RIMKLB: variants seen among roughly 807,000 people sequenced by gnomAD.
RIMKLB encodes the protein ribosomal modification protein rimK like family member B.
In RIMKLB, 7 loss-of-function variants were observed where a neutral mutation model predicts 32.0. The ratio of observed to expected loss-of-function variants is 0.22; its 90% CI spans 0.12 to 0.41. The LOEUF is 0.41. RIMKLB is among the 10% of genes least tolerant of loss of function. RIMKLB has a pLI of 1.00. For missense variants in RIMKLB, 289 were observed against 498.7 expected, an observed-to-expected ratio of 0.58 and a Z score of 4.00; for synonymous variants, 172 against 185.1, an observed-to-expected ratio of 0.93 and a Z score of 0.57.
chr12:8,713,133 G>A (rs1944520284), intron 1 of RIMKLB, among the ~76,000 whole-genome samples: 1 of 152,134 alleles, frequency 6.6e-6, no homozygotes. Flanking sequence ...TTGAGTAAGA[G>A]CGTGCTGTCC....
At chr12:8,755,802 G>C (rs890828054) in intron 5 of RIMKLB, among the ~76,000 whole-genome samples, 1 of 152,076 alleles carries the variant, frequency 6.6e-6, no homozygotes, top group Non-Finnish European at 1.5e-5. Context: ...CTGACCTCAA[G>C]GTTCAAAACC....
intron 5 of RIMKLB, among the ~76,000 whole-genome samples, chr12:8,756,153 CAAAAA>C (rs1233371130): frequency 8.8e-6 from 1 of 114,178 alleles, no homozygotes. Context: ...GACTCTGCCT[CAAAAA>C]AAAAAAAAAA....
intron 1 of RIMKLB, among the ~76,000 whole-genome samples, chr12:8,686,464 T>C (rs1169560117): frequency 6.6e-6 from 1 of 151,582 alleles, no homozygotes; most frequent in South Asian, 2.1e-4. Flanking sequence ...TCTTTTCTTT[T>C]TTTTTTTTTT....
At chr12:8,711,944 C>A (rs923292419) in intron 1 of RIMKLB, among the ~76,000 whole-genome samples, 1 of 152,158 alleles carries the variant, frequency 6.6e-6, no homozygotes, top group African/African-American at 2.4e-5. Context: ...AAAGTCGTTC[C>A]ATCAGGTTGA....
rs138400789 is a variant in RIMKLB at position 8,763,687 on chromosome 12, C to T, written c.697+9594C>T. 2.0e-3 allele frequency among the ~76,000 whole-genome samples: 309 copies of T among 152,338 alleles called. 2 individuals carry two copies. Among genetic ancestry groups the T allele is most frequent in the African/African-American group, 7.2e-3 (298 of 41,582 alleles). On this transcript the variant is annotated intron_variant, in intron 5 of 5. Transcript: ENST00000535829. The stretch of plus-strand genomic sequence containing the variant: ...CACAAGTGGCGAGGAAGTTTAAAAG[C>T]GCTTGGGTGGCTTGATGACACAAGG...
chr12:8,743,379 T>C (rs12315165), intron 2 of RIMKLB, among the ~76,000 whole-genome samples: 2,943 of 145,028 alleles, frequency 0.02, 164 homozygotes, highest in African/African-American at 0.074. Flanking sequence ...AAAAAAAAAT[T>C]CCGGAAGTCC....
At position 8,726,705 on chromosome 12, in the gene RIMKLB, T is replaced by C. The variant is rs777097042; in HGVS notation, c.175+12664T>C. On this transcript the variant is annotated intron_variant, in intron 2 of 5. Transcript: ENST00000535829. ...CTGTTAAAATGTATGTTTGTCTATA[T>C]TTACAGTAAATTTTCTTATAGATGG... is the stretch of plus-strand genomic sequence containing the variant. 9.8e-5 allele frequency among the ~76,000 whole-genome samples: 15 copies of C among 152,296 alleles called. No individual in the cohort carries two copies. The South Asian group carries it at 2.9e-3, about 29-fold the overall frequency.
Position 8,775,818 on chromosome 12 carries a change from T to C in RIMKLB, c.*2034T>C, listed in dbSNP as rs1950694173. The C allele has an allele frequency of 1.0e-6, 1 of 984,852 alleles. No individual in the cohort carries two copies. The highest frequency in any genetic ancestry group is 1.7e-5 in the African/African-American group (1 of 57,242). 61.0% of individuals were successfully genotyped at this position (984,852 alleles called of 1,614,324 possible). On this transcript the variant is annotated 3_prime_UTR_variant, in exon 6 of 6. Transcript: ENST00000535829. ...GAAAAGGATACATAAGAGGAGTTTG[T>C]AATTTATCTTAGGATATTCTAATTG...
At chr12:8,719,644 C>T (rs1032269450) in intron 2 of RIMKLB, among the ~76,000 whole-genome samples, 3 of 152,190 alleles carry the variant, frequency 2.0e-5, no homozygotes, top group African/African-American at 7.2e-5. Flanking sequence ...GCTAGGATTA[C>T]AGGCATGAGT....
intron 2 of RIMKLB, among the ~76,000 whole-genome samples, chr12:8,715,821 G>A (rs1383309743): frequency 6.6e-6 from 1 of 152,202 alleles, no homozygotes; most frequent in East Asian, 1.9e-4. Context: ...GGTAAGTTAT[G>A]AATGAAAAAT....
chr12:8,734,348 T>C (rs1946811771), intron 2 of RIMKLB, among the ~76,000 whole-genome samples: 1 of 152,172 alleles, frequency 6.6e-6, no homozygotes, highest in South Asian at 2.1e-4. Flanking sequence ...TGGCTGGAAA[T>C]AGAATGAGCT....
At chr12:8,745,553 C>G (rs1447203769) in intron 2 of RIMKLB, among the ~76,000 whole-genome samples, 1 of 151,592 alleles carries the variant, frequency 6.6e-6, no homozygotes, top group African/African-American at 2.4e-5. Context: ...AGCCACCATG[C>G]CTGGCTAATT....
At chr12:8,716,000 A>C (rs924367212) in intron 2 of RIMKLB, among the ~76,000 whole-genome samples, 1 of 152,204 alleles carries the variant, frequency 6.6e-6, no homozygotes, top group Admixed American at 6.5e-5. Flanking sequence ...AAACTCAGAC[A>C]CTTAGTGTAT....
chr12:8,769,677 T>TC (rs1847889336), intron 5 of RIMKLB, among the ~76,000 whole-genome samples: 1 of 152,170 alleles, frequency 6.6e-6, no homozygotes, highest in South Asian at 2.1e-4. Flanking sequence ...GGTTTTGCAT[T>TC]CCATTAATGG....
At chr12:8,732,756 T>TACACACACACAC (rs775849283) in intron 2 of RIMKLB, among the ~76,000 whole-genome samples, 156 of 150,134 alleles carry the variant, frequency 1.0e-3, no homozygotes, top group African/African-American at 3.6e-3. Flanking sequence ...TATATATATA[T>TACACACACACAC]ACACACACAC....
downstream of RIMKLB, chr12:8,777,779 G>T: frequency 1.1e-6 from 1 of 946,012 alleles, no homozygotes; most frequent in Non-Finnish European, 1.3e-6. Context: ...TTTGGATTCA[G>T]GCACAGCCCC....
intron 2 of RIMKLB, among the ~76,000 whole-genome samples, chr12:8,747,388 C>A (rs773191628): frequency 6.6e-6 from 1 of 152,110 alleles, no homozygotes; most frequent in East Asian, 1.9e-4. Flanking sequence ...TGTCCTTTCT[C>A]TCTTTTTTTT....
intron 5 of RIMKLB, among the ~76,000 whole-genome samples, chr12:8,772,295 T>C (rs971064747): frequency 6.6e-6 from 1 of 152,260 alleles, no homozygotes; most frequent in African/African-American, 2.4e-5. Flanking sequence ...AGTTTCTCTA[T>C]TGGATTTTTT....
At chr12:8,724,196 G>A (rs1365011548) in intron 2 of RIMKLB, among the ~76,000 whole-genome samples, 2 of 151,978 alleles carry the variant, frequency 1.3e-5, no homozygotes, top group East Asian at 3.9e-4. Context: ...TTTCAAGTTC[G>A]CTCCCTAGGG....
Sources: allele counts gnomAD v4.1 joint callset (sites outside exome capture counted in the v4.1 genomes callset), GRCh38; gene constraint gnomAD v4.1.1; transcripts MANE v1.5; gene names NCBI Gene and HGNC (gene_info 2026-07-23, HGNC 2026-07-21).